The following NEK7 variants were observed in gnomAD, a reference collection of about 807,000 sequenced individuals.
NEK7 encodes NIMA related kinase 7.
A neutral mutation model predicts 44.6 loss-of-function variants in NEK7; 18 were observed. The observed-to-expected ratio is 0.40, with a 90% confidence interval of 0.28 to 0.60. The LOEUF is 0.60. NEK7 is among the 20% of genes least tolerant of loss of function. NEK7 has a pLI of 0.38. For missense variants in NEK7, 256 were observed against 366.5 expected (o/e 0.70, Z 2.46); for synonymous variants, 130 against 121.1 (o/e 1.07, Z -0.48).
chr1:198,251,457 G>A (rs1049958012), intron 2 of NEK7, among the ~76,000 whole-genome samples: 1 of 141,852 alleles, frequency 7.0e-6, no homozygotes, highest in South Asian at 2.4e-4. Context: ...AATGGTACCA[G>A]TTCCTCCTTA....
intron 8 of NEK7, among the ~76,000 whole-genome samples, chr1:198,295,876 A>G (rs1654704250): frequency 1.3e-5 from 2 of 150,726 alleles, no homozygotes; most frequent in South Asian, 4.2e-4. Flanking sequence ...AGAGTGTTTT[A>G]TATGATTAGG....
At chr1:198,163,475 C>A (rs7550800) in intron 1 of NEK7, among the ~76,000 whole-genome samples, 11,580 of 151,432 alleles carry the variant, frequency 0.076, 528 homozygotes, top group East Asian at 0.17. Flanking sequence ...GATGATGCCA[C>A]CGCACTCCCA....
At chr1:198,314,441 T>A (rs927575865) in intron 9 of NEK7, among the ~76,000 whole-genome samples, 1 of 152,234 alleles carries the variant, frequency 6.6e-6, no homozygotes, top group African/African-American at 2.4e-5. Flanking sequence ...CTTGTCAAAG[T>A]CATTGTCAGT....
At position 198,239,498 on chromosome 1, in the gene NEK7, A is replaced by G. The variant is rs545496234; in HGVS notation, c.57+6861A>G. ...TTGCCTATAAAAGTGGTTTTATGAC[A>G]GAGATCCTAAGAAAAATATTTTAGT... is the stretch of plus-strand genomic sequence containing the variant. On this transcript the variant is annotated intron_variant, in intron 2 of 9. Transcript: ENST00000367385. 1.4e-4 allele frequency among the ~76,000 whole-genome samples: 21 copies of G among 152,344 alleles called. 1 individual carries two copies. In the South Asian group the frequency reaches 4.4e-3, roughly 32 times the overall value.
chr1:198,226,666 C>T (rs563870429), intron 1 of NEK7, among the ~76,000 whole-genome samples: 10 of 152,222 alleles, frequency 6.6e-5, no homozygotes, highest in Non-Finnish European at 1.3e-4. Context: ...CTCATAACTC[C>T]CATAATGCTT....
chr1:198,183,325 C>T (rs2102748858), intron 1 of NEK7, among the ~76,000 whole-genome samples: 1 of 152,204 alleles, frequency 6.6e-6, no homozygotes, highest in East Asian at 1.9e-4. Context: ...GAGTACCTGC[C>T]TGGTTCAAAG....
chr1:198,264,697 T>C (rs1653591618), intron 5 of NEK7, among the ~76,000 whole-genome samples: 1 of 152,052 alleles, frequency 6.6e-6, no homozygotes, highest in Non-Finnish European at 1.5e-5. Flanking sequence ...CCTTCTTTTC[T>C]AAGGGCATAT....
chr1:198,237,891 A>G (rs1666580262), intron 2 of NEK7, among the ~76,000 whole-genome samples: 1 of 152,144 alleles, frequency 6.6e-6, no homozygotes, highest in Non-Finnish European at 1.5e-5. Context: ...TTTTCTCCAT[A>G]GAATGTATCA....
intron 1 of NEK7, among the ~76,000 whole-genome samples, chr1:198,185,867 T>C (rs1332824576): frequency 6.6e-6 from 1 of 152,250 alleles, no homozygotes; most frequent in Non-Finnish European, 1.5e-5. Flanking sequence ...GATTGGTTGC[T>C]GGTTGTCTTC....
intron 4 of NEK7, among the ~76,000 whole-genome samples, chr1:198,263,446 A>ATT (rs1653546494): frequency 1.3e-5 from 2 of 151,930 alleles, no homozygotes; most frequent in Admixed American, 6.6e-5. Context: ...AAGTAGAAAG[A>ATT]AGAAAGTCAC....
At chr1:198,293,804 AAGT>A (rs1654629902) in intron 8 of NEK7, among the ~76,000 whole-genome samples, 1 of 151,894 alleles carries the variant, frequency 6.6e-6, no homozygotes, top group South Asian at 2.1e-4. Flanking sequence ...GTCTATATCT[AAGT>A]AGGTTTTAAT....
At chr1:198,218,267 A>G (rs1351715108) in intron 1 of NEK7, among the ~76,000 whole-genome samples, 1 of 152,026 alleles carries the variant, frequency 6.6e-6, no homozygotes, top group Non-Finnish European at 1.5e-5. Flanking sequence ...ATAAAGACAG[A>G]CACTTAAAAC....
At chr1:198,280,879 G>A (rs1444454612) in intron 7 of NEK7, among the ~76,000 whole-genome samples, 1 of 151,002 alleles carries the variant, frequency 6.6e-6, no homozygotes, top group Non-Finnish European at 1.5e-5. Flanking sequence ...AAATAGAAAT[G>A]AGACTGTTTT....
intron 1 of NEK7, among the ~76,000 whole-genome samples, chr1:198,212,487 G>A (rs1488720886): frequency 1.3e-5 from 2 of 152,166 alleles, no homozygotes; most frequent in East Asian, 3.9e-4. Flanking sequence ...ATTCTTTTGT[G>A]CAGTAGAGGC....
chr1:198,306,463 G>A (rs1419665732), intron 9 of NEK7, among the ~76,000 whole-genome samples: 1 of 152,016 alleles, frequency 6.6e-6, no homozygotes, highest in Non-Finnish European at 1.5e-5. Context: ...GTAAAAATGG[G>A]TTTTTCTCTT....
At position 198,164,529 on chromosome 1, in the gene NEK7, T is replaced by G. The variant is rs571365661; in HGVS notation, c.-29+7253T>G. On this transcript the variant is annotated intron_variant, in intron 1 of 9. Transcript: ENST00000367385. ...GCAATAAAGCGAGTCAGATGAATCT[T>G]TTGGTTTCCAAGTGCATATGGGAGT... Among the ~76,000 whole-genome samples the G allele has an allele frequency of 1.1e-4, 17 of 152,316 alleles. No homozygotes were observed. The South Asian group carries it at 3.5e-3, about 32-fold the overall frequency.
chr1:198,174,798 C>T (rs1325069836), intron 1 of NEK7, among the ~76,000 whole-genome samples: 1 of 151,842 alleles, frequency 6.6e-6, no homozygotes, highest in Admixed American at 6.6e-5. Flanking sequence ...TGCTCTGTCA[C>T]CCAGGCTGGA....
Position 198,238,721 on chromosome 1 carries a change from A to G in NEK7, c.57+6084A>G, listed in dbSNP as rs1395750291. ...GTCCATCGTCACATAGCTAGTAAGT[A>G]GTGAAGCTGGGATTTGACCCAGGTC... is the stretch of plus-strand genomic sequence containing the variant. On this transcript the variant is annotated intron_variant, in intron 2 of 9. Transcript: ENST00000367385. Among the ~76,000 whole-genome samples the G allele has an allele frequency of 2.6e-5, 4 of 152,244 alleles. No individual in the cohort carries two copies. The East Asian group carries it at 5.8e-4, about 22-fold the overall frequency.
chr1:198,317,877 A>ATTTTTTTTTTTTTTTTT (rs34704209), intron 9 of NEK7, among the ~76,000 whole-genome samples: 4 of 70,258 alleles, frequency 5.7e-5, no homozygotes, highest in Non-Finnish European at 9.8e-5. Context: ...GGATATATTT[A>ATTTTTTTTTTTTTTTTT]TTTTTTTTTT....
Sources: gnomAD v4.1 joint callset for allele counts (sites outside exome capture counted in the v4.1 genomes callset) on GRCh38, gnomAD v4.1.1 for gene constraint, MANE v1.5 for transcripts, NCBI Gene and HGNC (gene_info 2026-07-23, HGNC 2026-07-21) for gene names.